EYA4: variants seen among roughly 807,000 people sequenced by gnomAD.
EYA4 encodes EYA transcriptional coactivator and phosphatase 4, also known as protein phosphatase EYA4.
A neutral mutation model predicts 87.9 loss-of-function variants in EYA4; 31 were observed. The ratio of observed to expected loss-of-function variants is 0.35; its 90% confidence interval spans 0.27 to 0.48. The LOEUF (loss-of-function observed/expected upper bound fraction) is 0.48, where lower values mean the gene tolerates loss of function less well. Among genes scored for constraint, EYA4 ranks in the 20% least tolerant of loss-of-function variants. The pLI is 0.99. For synonymous variants in EYA4, 263 were observed against 270.6 expected (o/e 0.97, Z 0.28); for missense variants, 678 against 761.4 (o/e 0.89, Z 1.29).
chr6:133,337,624 C>T (rs928404092), intron 2 of EYA4, among the ~76,000 whole-genome samples: 1 of 152,148 alleles, frequency 6.6e-6, no homozygotes, highest in Non-Finnish European at 1.5e-5. Flanking sequence ...TCAGAAAGTA[C>T]TGTAGTACAT....
chr6:133,425,544 T>C (rs1790595243), intron 3 of EYA4, among the ~76,000 whole-genome samples: 3 of 150,934 alleles, frequency 2.0e-5, no homozygotes, highest in Non-Finnish European at 4.4e-5. Flanking sequence ...CCCTCCACTT[T>C]CTTCCTGTTT....
chr6:133,420,974 CT>C (rs1234604300), intron 3 of EYA4, among the ~76,000 whole-genome samples: 2 of 152,224 alleles, frequency 1.3e-5, no homozygotes, highest in Non-Finnish European at 1.5e-5. Context: ...TTTCTTTTCA[CT>C]TACTACTGTT....
chr6:133,382,490 G>T, intron 3 of EYA4, 49 bp downstream of exon 3: 1 of 1,233,456 alleles, frequency 8.1e-7, no homozygotes, highest in Non-Finnish European at 1.2e-6. Flanking sequence ...TTGCAGTTTC[G>T]GAGCACTAGT....
At chr6:133,388,820 T>A (rs1045334773) in intron 3 of EYA4, among the ~76,000 whole-genome samples, 1 of 152,202 alleles carries the variant, frequency 6.6e-6, no homozygotes, top group Non-Finnish European at 1.5e-5. Context: ...TGTCTTCAGC[T>A]CCCTAGGTTT....
intron 3 of EYA4, among the ~76,000 whole-genome samples, chr6:133,383,540 A>AAAAAC (rs1786434908): frequency 6.6e-6 from 1 of 150,434 alleles, no homozygotes; most frequent in African/African-American, 2.4e-5. Flanking sequence ...AAAAAAAAAA[A>AAAAAC]AAAAATGTAA....
Position 133,277,828 on chromosome 6 carries a change from T to G in EYA4, c.33+3015T>G, listed in dbSNP as rs145390438. On this transcript the variant is annotated intron_variant, in intron 2 of 19. Transcript: ENST00000355286. ...AAAAGAGGTAGTAATCCTCCTTTTC[T>G]TCATCCCGCATCTCAAAGCTTTGTC... 6.6e-3 allele frequency among the ~76,000 whole-genome samples: 1,000 copies of G among 152,360 alleles called. 9 individuals are homozygous for G. The highest frequency in any genetic ancestry group is 0.012 in the Non-Finnish European group (788 of 68,040).
At chr6:133,446,903 T>A (rs1792901177) in intron 4 of EYA4, 149 bp downstream of exon 4, 1 of 874,626 alleles carries the variant, frequency 1.1e-6, no homozygotes, top group African/African-American at 1.7e-5. Context: ...ATATTGATTG[T>A]TTTGATGATT....
intron 1 of EYA4, among the ~76,000 whole-genome samples, chr6:133,244,060 C>T (rs1774203167): frequency 6.6e-6 from 1 of 152,184 alleles, no homozygotes; most frequent in African/African-American, 2.4e-5. Context: ...ACAGCTACAG[C>T]TTTGAAAGCA....
At chr6:133,513,425 CA>C (rs2128783874) in intron 16 of EYA4, among the ~76,000 whole-genome samples, 1 of 152,256 alleles carries the variant, frequency 6.6e-6, no homozygotes, top group South Asian at 2.1e-4. Flanking sequence ...CGGTGGTTAG[CA>C]AGCATTATCT....
intron 3 of EYA4, among the ~76,000 whole-genome samples, chr6:133,391,618 C>T (rs191831079): frequency 1.3e-5 from 2 of 152,244 alleles, no homozygotes; most frequent in African/African-American, 4.8e-5. Context: ...TCTTTAGCCA[C>T]CTAGATAATA....
chr6:133,457,330 C>CT (rs1164602286), intron 6 of EYA4, among the ~76,000 whole-genome samples: 1 of 152,082 alleles, frequency 6.6e-6, no homozygotes, highest in Non-Finnish European at 1.5e-5. Flanking sequence ...ATTTCTTCGG[C>CT]TTTTTATCTG....
intron 3 of EYA4, among the ~76,000 whole-genome samples, chr6:133,396,600 TGTTGG>T (rs2128505788): frequency 6.6e-6 from 1 of 152,334 alleles, no homozygotes; most frequent in African/African-American, 2.4e-5. Flanking sequence ...ATGTGTGTGC[TGTTGG>T]GGTAGTTATT....
At chr6:133,280,075 T>G (rs1260667868) in intron 2 of EYA4, among the ~76,000 whole-genome samples, 5 of 152,214 alleles carry the variant, frequency 3.3e-5, no homozygotes, top group Non-Finnish European at 5.9e-5. Context: ...TTTACTTAGA[T>G]CTAAACAATG....
intron 3 of EYA4, among the ~76,000 whole-genome samples, chr6:133,418,534 A>G (rs1227962046): frequency 6.6e-6 from 1 of 152,252 alleles, no homozygotes; most frequent in Non-Finnish European, 1.5e-5. Context: ...ATACAGATGC[A>G]TATATATACA....
intron 1 of EYA4, among the ~76,000 whole-genome samples, chr6:133,249,842 A>G (rs1044729852): frequency 6.6e-6 from 1 of 152,244 alleles, no homozygotes; most frequent in Non-Finnish European, 1.5e-5. Flanking sequence ...TACATTTAAC[A>G]TAGCCCTTGC....
intron 2 of EYA4, among the ~76,000 whole-genome samples, chr6:133,353,114 G>C (rs1298740462): frequency 6.6e-6 from 1 of 152,158 alleles, no homozygotes; most frequent in Admixed American, 6.5e-5. Context: ...TCTGTAAGTT[G>C]TGCTGAGAAT....
At chr6:133,435,908 A>C (rs957127286) in intron 3 of EYA4, among the ~76,000 whole-genome samples, 17 of 151,526 alleles carry the variant, frequency 1.1e-4, no homozygotes, top group Admixed American at 9.2e-4. Context: ...TGGGAGATCT[A>C]ACACTGCACA....
intron 2 of EYA4, among the ~76,000 whole-genome samples, chr6:133,306,757 T>C (rs1779841507): frequency 6.6e-6 from 1 of 152,190 alleles, no homozygotes; most frequent in Non-Finnish European, 1.5e-5. Context: ...ACAAATCAAA[T>C]ATAAGGAATA....
chr6:133,326,062 C>T (rs528724699), intron 2 of EYA4, among the ~76,000 whole-genome samples: 1 of 152,238 alleles, frequency 6.6e-6, no homozygotes, highest in Non-Finnish European at 1.5e-5. Flanking sequence ...GACTTCCATA[C>T]ATCTTTCAAG....
Sources: gnomAD v4.1 joint callset for allele counts (sites outside exome capture counted in the v4.1 genomes callset) on GRCh38, gnomAD v4.1.1 for gene constraint, MANE v1.5 for transcripts, NCBI Gene and HGNC (gene_info 2026-07-23, HGNC 2026-07-21) for gene names.